Variants in PDE4B observed in about 807,000 individuals in gnomAD.
PDE4B encodes the protein 3',5'-cyclic-AMP phosphodiesterase 4B.
A neutral mutation model predicts 82.2 loss-of-function variants in PDE4B; 20 were observed. That is an observed-to-expected ratio of 0.24 (90% CI 0.17 to 0.35). The LOEUF is 0.35. Among genes scored for constraint, PDE4B ranks in the 10% least tolerant of loss-of-function variants. PDE4B has a pLI of 1.00. For synonymous variants in PDE4B, 320 were observed against 318.9 expected (o/e 1.00, Z -0.04); for missense variants, 655 against 907.2 (o/e 0.72, Z 3.57).
At chr1:66,024,186 A>G (rs186093895) in intron 3 of PDE4B, among the ~76,000 whole-genome samples, 23 of 152,270 alleles carry the variant, frequency 1.5e-4, no homozygotes, top group Admixed American at 6.5e-4. Context: ...AGAGGATAGA[A>G]AAACAATCAA....
chr1:65,883,792 T>A (rs1571065128), intron 1 of PDE4B, among the ~76,000 whole-genome samples: 1 of 152,146 alleles, frequency 6.6e-6, no homozygotes, highest in Admixed American at 6.6e-5. Context: ...TGGCTGTGGG[T>A]TTGTCATAAA....
chr1:66,143,205 A>G (rs1646207327), intron 3 of PDE4B, among the ~76,000 whole-genome samples: 1 of 152,216 alleles, frequency 6.6e-6, no homozygotes. Context: ...CTTTGTTTCT[A>G]GTGAGAGAAA....
intron 3 of PDE4B, among the ~76,000 whole-genome samples, chr1:65,958,880 A>G (rs984460409): frequency 2.6e-5 from 4 of 152,226 alleles, no homozygotes; most frequent in Non-Finnish European, 4.4e-5. Flanking sequence ...TATGACTTAT[A>G]TAGTTATATT....
intron 3 of PDE4B, among the ~76,000 whole-genome samples, chr1:66,204,175 C>T (rs186467555): frequency 3.3e-5 from 5 of 152,278 alleles, no homozygotes; most frequent in Admixed American, 6.5e-5. Context: ...TTTCGTGAAC[C>T]GCAAATGCTG....
chr1:66,145,054 G>C (rs1291420749), intron 3 of PDE4B, among the ~76,000 whole-genome samples: 1 of 152,202 alleles, frequency 6.6e-6, no homozygotes, highest in Non-Finnish European at 1.5e-5. Context: ...GTGGCCGTGA[G>C]TAGCAATCTA....
At chr1:65,921,981 A>G (rs1400644668) in intron 3 of PDE4B, among the ~76,000 whole-genome samples, 1 of 152,256 alleles carries the variant, frequency 6.6e-6, no homozygotes, top group Admixed American at 6.5e-5. Context: ...CTAATTTTAT[A>G]TAAGGTTTTA....
intron 7 of PDE4B, among the ~76,000 whole-genome samples, chr1:66,315,794 G>A (rs964790491): frequency 6.6e-6 from 1 of 152,082 alleles, no homozygotes; most frequent in Non-Finnish European, 1.5e-5. Context: ...CAACTTCAGT[G>A]GCCTTCTTTT....
intron 1 of PDE4B, among the ~76,000 whole-genome samples, chr1:65,865,375 C>T (rs1646499170): frequency 6.6e-6 from 1 of 151,894 alleles, no homozygotes; most frequent in Admixed American, 6.6e-5. Context: ...GCCCCCTTTC[C>T]AGGGAAGTGA....
At chr1:66,077,592 G>T (rs1395488025) in intron 3 of PDE4B, among the ~76,000 whole-genome samples, 2 of 152,030 alleles carry the variant, frequency 1.3e-5, no homozygotes, top group East Asian at 3.9e-4. Flanking sequence ...ATGAATGAAT[G>T]GTATACTGCC....
chr1:66,147,076 A>G (rs1421906201), intron 3 of PDE4B, among the ~76,000 whole-genome samples: 1 of 152,214 alleles, frequency 6.6e-6, no homozygotes, highest in Non-Finnish European at 1.5e-5. Context: ...GTGAAATCCA[A>G]GTGAAAAATT....
intron 7 of PDE4B, among the ~76,000 whole-genome samples, chr1:66,287,687 G>T (rs1388537548): frequency 2.0e-5 from 3 of 152,062 alleles, no homozygotes. Flanking sequence ...CAATAATATC[G>T]CCTACGTTTT....
intron 1 of PDE4B, among the ~76,000 whole-genome samples, chr1:65,831,921 C>T (rs1220870918): frequency 6.6e-6 from 1 of 152,256 alleles, no homozygotes; most frequent in East Asian, 1.9e-4. Flanking sequence ...TATGTTAGAA[C>T]ATATATCGGG....
At chr1:66,280,113 C>A (rs1656188940) in intron 7 of PDE4B, among the ~76,000 whole-genome samples, 1 of 152,174 alleles carries the variant, frequency 6.6e-6, no homozygotes, top group South Asian at 2.1e-4. Context: ...AAATCCAGGA[C>A]AATAAAAATT....
chr1:66,093,077 T>C (rs1450222201), intron 3 of PDE4B, among the ~76,000 whole-genome samples: 17 of 151,966 alleles, frequency 1.1e-4, no homozygotes, highest in Admixed American at 1.1e-3. Flanking sequence ...GTTACTGAAA[T>C]AGTTGAGCCC....
intron 3 of PDE4B, among the ~76,000 whole-genome samples, chr1:65,925,897 C>A (rs2100500453): frequency 6.6e-6 from 1 of 152,228 alleles, no homozygotes; most frequent in East Asian, 1.9e-4. Flanking sequence ...GCCTATGACC[C>A]CACGCCCTCA....
At chr1:66,082,788 A>G (rs76328359) in intron 3 of PDE4B, among the ~76,000 whole-genome samples, 4 of 152,022 alleles carry the variant, frequency 2.6e-5, no homozygotes, top group Admixed American at 1.3e-4. Flanking sequence ...CACTGATGAA[A>G]TTTGCTTAAA....
chr1:66,096,524 A>ATATGTATG (rs1476973074), intron 3 of PDE4B, among the ~76,000 whole-genome samples: 3 of 139,686 alleles, frequency 2.1e-5, no homozygotes, highest in Non-Finnish European at 4.6e-5. Flanking sequence ...ATATATATAT[A>ATATGTATG]TATATATATA....
chr1:66,141,156 A>G (rs969372374), intron 3 of PDE4B, among the ~76,000 whole-genome samples: 7 of 151,646 alleles, frequency 4.6e-5, no homozygotes, highest in African/African-American at 1.7e-4. Context: ...TTTATTAAAC[A>G]TTTATTGAGC....
At chr1:65,949,404 C>A (rs1195800176) in intron 3 of PDE4B, among the ~76,000 whole-genome samples, 2 of 152,132 alleles carry the variant, frequency 1.3e-5, no homozygotes, top group Admixed American at 6.6e-5. Flanking sequence ...TTTTCTCAGG[C>A]TTTCAAAGTT....
Sources: allele counts gnomAD v4.1 joint callset (sites outside exome capture counted in the v4.1 genomes callset), GRCh38; gene constraint gnomAD v4.1.1; transcripts MANE v1.5; gene names NCBI Gene and HGNC (gene_info 2026-07-23, HGNC 2026-07-21).